Variants in CLYBL observed in about 807,000 individuals in gnomAD.
CLYBL encodes the protein citramalyl-CoA lyase, mitochondrial.
A neutral mutation model predicts 38.9 loss-of-function variants in CLYBL; 31 were observed. That is an observed-to-expected ratio of 0.80 (90% CI 0.60 to 1.08). The LOEUF is 1.08. Among genes scored for constraint, CLYBL ranks in the 50% least tolerant of loss-of-function variants. The probability of loss-of-function intolerance (pLI) is 0.00; values close to 1 mark genes in which losing one functional copy is unlikely to be tolerated. For missense variants in CLYBL, 434 were observed against 411.6 expected (o/e 1.05, Z -0.47); for synonymous variants, 171 against 158.6 (o/e 1.08, Z -0.59).
chr13:99,755,164 T>G (rs541939958), intron 1 of CLYBL, among the ~76,000 whole-genome samples: 2 of 152,370 alleles, frequency 1.3e-5, no homozygotes, highest in South Asian at 4.1e-4. Context: ...CCCAGAGTGC[T>G]GGGATTACAG....
intron 1 of CLYBL, among the ~76,000 whole-genome samples, chr13:99,765,000 A>G (rs1215743705): frequency 1.3e-5 from 2 of 151,316 alleles, no homozygotes; most frequent in African/African-American, 4.9e-5. Context: ...TTGTATTTAT[A>G]TTTAATTTAC....
chr13:99,716,461 G>T (rs2048317089), intron 1 of CLYBL, among the ~76,000 whole-genome samples: 1 of 147,370 alleles, frequency 6.8e-6, no homozygotes. Flanking sequence ...TCGGCTCACT[G>T]CAACCTCCGC....
rs1167068936 is a variant in CLYBL at position 99,674,142 on chromosome 13, C to CTTTTTTTTTT, written c.62+67403_62+67412dup. Among the ~76,000 whole-genome samples the CTTTTTTTTTT allele has an allele frequency of 7.8e-5, 4 of 51,154 alleles. 1 individual carries two copies. The highest frequency in any genetic ancestry group is 3.5e-4 in the African/African-American group (4 of 11,432). 33.6% of individuals were successfully genotyped at this position (51,154 alleles called of 152,430 possible). On this transcript the variant is annotated intron_variant, in intron 1 of 8. Coordinates refer to ENST00000339105, the MANE Select transcript of CLYBL (RefSeq NM_206808.5). The stretch of plus-strand genomic sequence containing the variant: ...TCGTTTTTTTTTAGCTACTAGAATT[C>CTTTTTTTTTT]TTTTTTTTTTTTTTTTTTTTTTTTT...
intron 1 of CLYBL, among the ~76,000 whole-genome samples, chr13:99,718,868 G>C (rs2048355525): frequency 1.3e-5 from 2 of 151,768 alleles, no homozygotes; most frequent in South Asian, 4.2e-4. Flanking sequence ...TCTGAGCAGA[G>C]TTTCGCTCTT....
chr13:99,895,671 G>C (rs1224233986), downstream of CLYBL: 1 of 152,184 alleles, frequency 6.6e-6, no homozygotes, highest in African/African-American at 2.4e-5. Flanking sequence ...GGTGGTGTTC[G>C]TTTGTTTAAA....
Position 99,606,717 on chromosome 13 carries a change from AGGGCGGCGCGCGGAGCTGCGGCGGC to A in CLYBL, c.25_49del (p.Ala9ArgfsTer3), listed in dbSNP as rs749034284. The A allele has an allele frequency of 2.1e-4, 315 of 1,492,828 alleles. No homozygotes were observed. In the African/African-American group the frequency reaches 2.5e-3, roughly 12 times the overall value. The allele number at this position is 1,492,828 out of a possible 1,614,324, so 92.5% of individuals were successfully genotyped here. On this transcript the variant is annotated frameshift_variant, in exon 1 of 9. Transcript: ENST00000339105. LOFTEE classifies it high-confidence loss of function. ...GAAGATGGCGCTACGTCTGCTGCGG[AGGGCGGCGCGCGGAGCTGCGGCGGC>A]GGCGCTGCTGAGGCTGTGAGTGCAG...
At chr13:99,772,476 C>T (rs1040734176) in intron 1 of CLYBL, among the ~76,000 whole-genome samples, 1 of 152,130 alleles carries the variant, frequency 6.6e-6, no homozygotes, top group South Asian at 2.1e-4. Flanking sequence ...GCAGATGGAT[C>T]CCTTGAGCCT....
rs556577615 is a variant in CLYBL, at chr13:99,770,364, G to C, written c.63-2460G>C. ...ACGGAGTCTCGCTCTGTCACCCAGG[G>C]TAGAGTACAGTGGCGCAATCTTGGC... On this transcript the variant is annotated intron_variant, in intron 1 of 8. Transcript: ENST00000339105. 5.0e-4 allele frequency among the ~76,000 whole-genome samples: 76 copies of C among 152,108 alleles called. No homozygotes were observed. In the East Asian group the frequency reaches 9.3e-3, roughly 19 times the overall value.
At chr13:99,900,359 T>G (rs1047803957), downstream of CLYBL, among the ~76,000 whole-genome samples, 2 of 152,068 alleles carry the variant, frequency 1.3e-5, no homozygotes, top group Non-Finnish European at 2.9e-5. Context: ...TGCTCTTTTG[T>G]TGTTGTCGTT....
chr13:99,834,042 G>A (rs1272851445), intron 2 of CLYBL, among the ~76,000 whole-genome samples: 3 of 152,052 alleles, frequency 2.0e-5, no homozygotes, highest in Admixed American at 6.6e-5. Context: ...TTCCAGCCCT[G>A]CCTCCTTGGA....
chr13:99,887,253 G>A (rs1306870765), intron 7 of CLYBL, among the ~76,000 whole-genome samples: 1 of 152,038 alleles, frequency 6.6e-6, no homozygotes, highest in African/African-American at 2.4e-5. Context: ...CCCGCCCATT[G>A]TTCTGATTCA....
intron 1 of CLYBL, among the ~76,000 whole-genome samples, chr13:99,695,329 C>T (rs779640668): frequency 1.1e-4 from 17 of 151,974 alleles, no homozygotes; most frequent in Non-Finnish European, 1.8e-4. Flanking sequence ...GAGCAAAGCA[C>T]ACAAATATAT....
At chr13:99,867,685 A>G (rs2051783767) in intron 6 of CLYBL, among the ~76,000 whole-genome samples, 1 of 152,178 alleles carries the variant, frequency 6.6e-6, no homozygotes, top group African/African-American at 2.4e-5. Flanking sequence ...TGTGACCCAA[A>G]TGGAAAAGTT....
At chr13:99,842,898 A>G (rs139650828) in intron 2 of CLYBL, among the ~76,000 whole-genome samples, 50 of 152,246 alleles carry the variant, frequency 3.3e-4, no homozygotes, top group African/African-American at 1.2e-3. Context: ...AGTCTGGGCA[A>G]CATAGCAAAA....
intron 1 of CLYBL, among the ~76,000 whole-genome samples, chr13:99,667,862 C>G (rs907129274): frequency 6.6e-6 from 1 of 152,164 alleles, no homozygotes; most frequent in African/African-American, 2.4e-5. Context: ...AGGATAGATG[C>G]ATTTGAAGAA....
intron 1 of CLYBL, among the ~76,000 whole-genome samples, chr13:99,722,750 CTTTTG>C (rs772549717): frequency 3.9e-5 from 6 of 152,300 alleles, no homozygotes; most frequent in African/African-American, 2.4e-5. Context: ...TTCTTCTATG[CTTTTG>C]TTTTAAGTCC....
At chr13:99,675,319 G>A (rs1307722939) in intron 1 of CLYBL, among the ~76,000 whole-genome samples, 1 of 152,178 alleles carries the variant, frequency 6.6e-6, no homozygotes, top group East Asian at 1.9e-4. Flanking sequence ...TGCCCTATAT[G>A]TGTATATACT....
At chr13:99,712,477 G>A (rs2048250683) in intron 1 of CLYBL, among the ~76,000 whole-genome samples, 1 of 151,618 alleles carries the variant, frequency 6.6e-6, no homozygotes, top group Non-Finnish European at 1.5e-5. Context: ...TGGGAATACA[G>A]GTGCGTGCCA....
intron 1 of CLYBL, among the ~76,000 whole-genome samples, chr13:99,698,274 C>G (rs934018036): frequency 6.6e-6 from 1 of 151,764 alleles, no homozygotes. Context: ...TCACTGCAAC[C>G]TCCACCTCCC....
Sources: gnomAD v4.1 joint callset for allele counts (sites outside exome capture counted in the v4.1 genomes callset) on GRCh38, gnomAD v4.1.1 for gene constraint, MANE v1.5 for transcripts, NCBI Gene and HGNC (gene_info 2026-07-23, HGNC 2026-07-21) for gene names.